Variants in DPP10 observed in about 807,000 individuals in gnomAD.
The protein encoded by DPP10 is inactive dipeptidyl peptidase 10.
DPP10 carries 33 observed loss-of-function variants against 120.9 expected under a neutral mutation model. The ratio of observed to expected loss-of-function variants is 0.27; its 90% CI spans 0.21 to 0.37. DPP10 has a LOEUF of 0.37. Among genes scored for constraint, DPP10 ranks in the 10% least tolerant of loss-of-function variants. DPP10 has a pLI of 1.00. For synonymous variants in DPP10, 337 were observed against 326.1 expected (o/e 1.03, Z -0.36); for missense variants, 816 against 942.8 (o/e 0.87, Z 1.76).
chr2:114,861,153 T>C (rs2106527664), intron 1 of DPP10, among the ~76,000 whole-genome samples: 1 of 152,300 alleles, frequency 6.6e-6, no homozygotes, highest in South Asian at 2.1e-4. Flanking sequence ...TGACATGAAC[T>C]CCACTCGTTG....
At chr2:115,774,241 C>T (rs1681828618) in intron 13 of DPP10, among the ~76,000 whole-genome samples, 2 of 144,262 alleles carry the variant, frequency 1.4e-5, no homozygotes, top group South Asian at 4.5e-4. Context: ...CACACACACA[C>T]CAAAATACTC....
At chr2:115,625,073 A>C (rs2085253327) in intron 5 of DPP10, among the ~76,000 whole-genome samples, 1 of 145,924 alleles carries the variant, frequency 6.9e-6, no homozygotes, top group South Asian at 2.2e-4. Flanking sequence ...TCTTTGGATA[A>C]ATATATAAAT....
chr2:115,829,113 A>G (rs1408910936), intron 21 of DPP10, among the ~76,000 whole-genome samples: 1 of 152,110 alleles, frequency 6.6e-6, no homozygotes, highest in East Asian at 1.9e-4. Context: ...TCTTCCAGTG[A>G]TTTTATTATT....
intron 1 of DPP10, among the ~76,000 whole-genome samples, chr2:114,940,849 C>T (rs1291337170): frequency 3.3e-5 from 5 of 152,146 alleles, no homozygotes; most frequent in Admixed American, 6.5e-5. Flanking sequence ...GTGAATTCTA[C>T]TCTCTGGCCT....
intron 2 of DPP10, among the ~76,000 whole-genome samples, chr2:115,337,616 A>G (rs2063215798): frequency 1.4e-5 from 2 of 147,228 alleles, no homozygotes; most frequent in Admixed American, 6.9e-5. Context: ...GTTGCAAGGA[A>G]TGAACATCCC....
At chr2:115,633,990 CT>C (rs563157065) in intron 5 of DPP10, among the ~76,000 whole-genome samples, 7 of 151,520 alleles carry the variant, frequency 4.6e-5, no homozygotes, top group African/African-American at 1.7e-4. Context: ...CCTTTTCATT[CT>C]TTTTTTTTCC....
At chr2:114,497,160 T>C (rs917731725) in intron 1 of DPP10, among the ~76,000 whole-genome samples, 42 of 143,562 alleles carry the variant, frequency 2.9e-4, no homozygotes, top group Admixed American at 1.1e-3. Flanking sequence ...TACATGTAGG[T>C]GTACACGTGT....
At chr2:114,686,758 A>T (rs1276939532) in intron 1 of DPP10, among the ~76,000 whole-genome samples, 1 of 151,972 alleles carries the variant, frequency 6.6e-6, no homozygotes, top group East Asian at 1.9e-4. Context: ...CAATAATTGT[A>T]GTCAAGAGCT....
rs187757727 is a variant in DPP10 at position 115,460,735 on chromosome 2, T to C, written c.272-38775T>C. Reference sequence around the variant, plus strand: ...AGATCACTGGAGGGTACACTGAGCATAAATTGATCTGGCTACTGCCAGGTC... The same window carrying C: ...AGATCACTGGAGGGTACACTGAGCACAAATTGATCTGGCTACTGCCAGGTC... On this transcript the variant is annotated intron_variant, in intron 3 of 25. Coordinates refer to ENST00000410059, the MANE Select transcript of DPP10 (RefSeq NM_020868.6). Among the ~76,000 whole-genome samples, 708 of 152,282 alleles carry C rather than the reference T, an allele frequency of 4.6e-3. 16 individuals are homozygous for C. Among genetic ancestry groups the C allele is most frequent in the Non-Finnish European group, 2.9e-3 (195 of 68,024 alleles).
intron 1 of DPP10, among the ~76,000 whole-genome samples, chr2:115,227,553 T>C (rs757225706): frequency 6.6e-6 from 1 of 152,196 alleles, no homozygotes; most frequent in Non-Finnish European, 1.5e-5. Context: ...CCAAACTCCC[T>C]CTTGCCCCAC....
chr2:115,374,726 C>A (rs1249303628), intron 3 of DPP10, among the ~76,000 whole-genome samples: 1 of 152,240 alleles, frequency 6.6e-6, no homozygotes, highest in Non-Finnish European at 1.5e-5. Flanking sequence ...TGCACACCTG[C>A]AGGCCCAACA....
chr2:115,133,936 A>G (rs1272885591), intron 1 of DPP10, among the ~76,000 whole-genome samples: 1 of 152,156 alleles, frequency 6.6e-6, no homozygotes, highest in East Asian at 1.9e-4. Flanking sequence ...ATTAAGGAAC[A>G]CTCATCACGC....
At chr2:115,620,186 C>T (rs1222042852) in intron 5 of DPP10, among the ~76,000 whole-genome samples, 1 of 152,212 alleles carries the variant, frequency 6.6e-6, no homozygotes, top group Non-Finnish European at 1.5e-5. Flanking sequence ...CATCTAATCA[C>T]TCACTGTGTG....
intron 1 of DPP10, among the ~76,000 whole-genome samples, chr2:114,818,934 C>T (rs1685859050): frequency 6.6e-6 from 1 of 152,104 alleles, no homozygotes. Context: ...ATATGTTGAA[C>T]TCTTATTATC....
chr2:114,910,294 A>G lies in DPP10; in HGVS notation c.61-398945A>G, dbSNP rs1325306208. Among the ~76,000 whole-genome samples the G allele has an allele frequency of 2.6e-5, 4 of 152,080 alleles. No homozygotes were observed. In the South Asian group the frequency reaches 6.2e-4, roughly 24 times the overall value. On this transcript the variant is annotated intron_variant, in intron 1 of 25. Coordinates refer to ENST00000410059, the MANE Select transcript of DPP10 (RefSeq NM_020868.6). The stretch of plus-strand genomic sequence containing the variant: ...CTTCTAGTTTTATAATAATTAAAAC[A>G]TTTTAAGGAAATGTGCCAGGAGCCC...
At chr2:115,435,883 G>A (rs1482304956) in intron 3 of DPP10, among the ~76,000 whole-genome samples, 1 of 151,880 alleles carries the variant, frequency 6.6e-6, no homozygotes, top group Non-Finnish European at 1.5e-5. Context: ...GTGAGAGATA[G>A]GGGTCAAGTT....
At chr2:115,146,827 CAT>C in intron 1 of DPP10, among the ~76,000 whole-genome samples, 1 of 152,254 alleles carries the variant, frequency 6.6e-6, no homozygotes, top group East Asian at 1.9e-4. Context: ...CTCCTTCCCA[CAT>C]ATGAGGACAC....
rs150947509 is a variant in DPP10, at chr2:115,389,307, T to G, written c.271+45395T>G. ...CACACACACACACACACACTCATACTCATTCTACTTCATTTCAATTTGAAC... is the reference window on the plus strand; with the variant it reads ...CACACACACACACACACACTCATACGCATTCTACTTCATTTCAATTTGAAC... On this transcript the variant is annotated intron_variant, in intron 3 of 25. Coordinates refer to ENST00000410059, the MANE Select transcript of DPP10 (RefSeq NM_020868.6). Among the ~76,000 whole-genome samples the G allele has an allele frequency of 6.3e-3, 944 of 148,972 alleles. 6 individuals are homozygous for G. The highest frequency in any genetic ancestry group is 6.9e-3 in the Non-Finnish European group (464 of 67,298).
At chr2:115,131,199 T>A (rs2050338784) in intron 1 of DPP10, 1 of 152,170 alleles carries the variant, frequency 6.6e-6, no homozygotes, top group Non-Finnish European at 1.5e-5. Context: ...TGAAAATAGA[T>A]GAACATGAAG....
Sources: gnomAD v4.1 joint callset for allele counts (sites outside exome capture counted in the v4.1 genomes callset) on GRCh38, gnomAD v4.1.1 for gene constraint, MANE v1.5 for transcripts, NCBI Gene and HGNC (gene_info 2026-07-23, HGNC 2026-07-21) for gene names.